KCNMA1: variants seen among roughly 807,000 people sequenced by gnomAD.
KCNMA1 encodes the protein potassium calcium-activated channel subfamily M alpha 1.
KCNMA1 carries 29 observed loss-of-function variants against 140.0 expected under a neutral mutation model. That is an observed-to-expected ratio of 0.21 (90% CI 0.15 to 0.28). The LOEUF is 0.28. Ranked by LOEUF, KCNMA1 falls within the 10% of genes least tolerant of loss-of-function variation. KCNMA1 has a pLI of 1.00. For synonymous variants in KCNMA1, 612 were observed against 611.9 expected, an observed-to-expected ratio of 1.00 and a Z score of 0.00; for missense variants, 880 against 1,602.2, an observed-to-expected ratio of 0.55 and a Z score of 7.70.
chr10:76,959,388 T>A (rs1193532745), intron 20 of KCNMA1, among the ~76,000 whole-genome samples: 2 of 152,216 alleles, frequency 1.3e-5, no homozygotes, highest in Non-Finnish European at 2.9e-5. Context: ...CCAAAATGTC[T>A]GTCTTCAAGG....
intron 2 of KCNMA1, among the ~76,000 whole-genome samples, chr10:77,361,820 G>A (rs910328813): frequency 2.0e-5 from 3 of 152,240 alleles, no homozygotes; most frequent in Non-Finnish European, 4.4e-5. Context: ...GTCAAGAGCT[G>A]CCCAGGCTGA....
At chr10:77,634,070 A>G in intron 1 of KCNMA1, 1 of 811,050 alleles carries the variant, frequency 1.2e-6, no homozygotes, top group Non-Finnish European at 1.5e-6. Context: ...CAATCCCCAC[A>G]TTTTATACAC....
At chr10:76,927,073 A>C (rs573861997) in intron 23 of KCNMA1, among the ~76,000 whole-genome samples, 2 of 152,178 alleles carry the variant, frequency 1.3e-5, no homozygotes, top group East Asian at 3.9e-4. Context: ...AGGCCCTCTC[A>C]GCTTTGAGAT....
intron 2 of KCNMA1, among the ~76,000 whole-genome samples, chr10:77,292,208 C>T (rs1040258305): frequency 7.6e-4 from 116 of 152,314 alleles, no homozygotes; most frequent in Middle Eastern, 3.4e-3. Flanking sequence ...CGCCGGGCCT[C>T]AGGAAGTCTC....
At chr10:77,233,593 T>C (rs1488994279) in intron 3 of KCNMA1, among the ~76,000 whole-genome samples, 1 of 152,178 alleles carries the variant, frequency 6.6e-6, no homozygotes, top group Non-Finnish European at 1.5e-5. Flanking sequence ...GGACTGCGCA[T>C]GCCTCCAGGA....
intron 1 of KCNMA1, among the ~76,000 whole-genome samples, chr10:77,500,793 G>A (rs1049846727): frequency 6.6e-6 from 1 of 152,192 alleles, no homozygotes; most frequent in African/African-American, 2.4e-5. Context: ...AATTATGGGT[G>A]ATTAGAAGGC....
intron 20 of KCNMA1, among the ~76,000 whole-genome samples, chr10:76,956,068 G>T (rs1222465466): frequency 1.3e-5 from 2 of 152,134 alleles, no homozygotes; most frequent in East Asian, 3.9e-4. Context: ...AAATGAAACA[G>T]CAAGCTGACA....
At chr10:77,609,038 T>C (rs953568405) in intron 1 of KCNMA1, among the ~76,000 whole-genome samples, 8 of 151,666 alleles carry the variant, frequency 5.3e-5, no homozygotes, top group Non-Finnish European at 1.2e-4. Context: ...AGTATGGAGG[T>C]TCCTCAGAAA....
rs763146154 is a variant in KCNMA1, at chr10:77,183,535, G to T, written c.697-3C>A. The T allele has an allele frequency of 3.1e-6, 5 of 1,590,592 alleles. No individual in the cohort carries two copies. The South Asian group carries it at 5.5e-5, about 18-fold the overall frequency. ...AATTTATCGTTGGCTGCAATAAACT[G>T]GGGGAAAGAAGAAATAAGAAAGAGA... is the stretch of plus-strand genomic sequence containing the variant. On this transcript the variant is annotated splice_region_variant and splice_polypyrimidine_tract_variant and intron_variant, in intron 4 of 27. Transcript: ENST00000286628.
chr10:76,932,980 C>T (rs926152661), intron 23 of KCNMA1, among the ~76,000 whole-genome samples: 30 of 152,050 alleles, frequency 2.0e-4, no homozygotes, highest in African/African-American at 6.5e-4. Flanking sequence ...GTACATTCAG[C>T]GAGGCCAGTC....
At chr10:77,303,991 T>C (rs1164354732) in intron 2 of KCNMA1, among the ~76,000 whole-genome samples, 2 of 152,200 alleles carry the variant, frequency 1.3e-5, no homozygotes, top group African/African-American at 4.8e-5. Flanking sequence ...AGACTGGCAT[T>C]GTGGACAGAT....
At chr10:77,009,665 C>A (rs1202372341) in intron 18 of KCNMA1, among the ~76,000 whole-genome samples, 1 of 152,164 alleles carries the variant, frequency 6.6e-6, no homozygotes, top group East Asian at 1.9e-4. Flanking sequence ...TCTCTAATCT[C>A]ATCTCATACT....
intron 1 of KCNMA1, among the ~76,000 whole-genome samples, chr10:77,478,970 T>C (rs964685556): frequency 3.9e-5 from 6 of 152,346 alleles, no homozygotes; most frequent in African/African-American, 1.4e-4. Context: ...ATCGCACATA[T>C]TCTAGGATCT....
At chr10:77,630,731 C>A (rs2093081563) in intron 1 of KCNMA1, among the ~76,000 whole-genome samples, 1 of 152,006 alleles carries the variant, frequency 6.6e-6, no homozygotes, top group South Asian at 2.1e-4. Flanking sequence ...TCTCGCCAGA[C>A]CAGCATAATC....
chr10:77,475,078 G>A (rs1381436191), intron 1 of KCNMA1, among the ~76,000 whole-genome samples: 2 of 152,146 alleles, frequency 1.3e-5, no homozygotes, highest in East Asian at 3.9e-4. Context: ...AGGAGCTTTC[G>A]TTCCTGTCCC....
At chr10:77,556,114 A>G (rs2064270943) in intron 1 of KCNMA1, among the ~76,000 whole-genome samples, 1 of 152,216 alleles carries the variant, frequency 6.6e-6, no homozygotes, top group African/African-American at 2.4e-5. Context: ...GCCAGTTACC[A>G]TCAGAGGAAC....
Position 77,001,518 on chromosome 10 carries a change from G to A in KCNMA1, c.2155C>T (p.Arg719Cys), listed in dbSNP as rs367636843. The A allele has an allele frequency of 5.3e-5, 82 of 1,552,058 alleles. No individual in the cohort carries two copies. Among genetic ancestry groups the A allele is most frequent in the African/African-American group, 4.6e-4 (34 of 73,172 alleles). ...ACCFDCGRSE[R>C]DCSCMSGRVR... ...CGGCCTGACATGCATGAGCAGTCACGCTCAGAACGTCCGCAATCAAAACAA... is the reference window on the plus strand; with the variant it reads ...CGGCCTGACATGCATGAGCAGTCACACTCAGAACGTCCGCAATCAAAACAA... Residue 719 changes from arginine to cysteine, a missense_variant, in exon 19 of 28, where the codon CGT becomes TGT. Coordinates refer to ENST00000286628, the MANE Select transcript of KCNMA1 (RefSeq NM_001161352.2).
intron 1 of KCNMA1, among the ~76,000 whole-genome samples, chr10:77,547,853 A>G (rs561576022): frequency 3.3e-5 from 5 of 152,296 alleles, no homozygotes; most frequent in African/African-American, 1.2e-4. Flanking sequence ...CCCGATGCCT[A>G]TTTTTATAAA....
intron 20 of KCNMA1, among the ~76,000 whole-genome samples, chr10:76,967,032 T>A (rs1053459445): frequency 3.3e-5 from 5 of 152,164 alleles, no homozygotes; most frequent in Non-Finnish European, 5.9e-5. Flanking sequence ...AGACCATTAG[T>A]GCAGAGTCCC....
Sources: allele counts gnomAD v4.1 joint callset (sites outside exome capture counted in the v4.1 genomes callset), GRCh38; gene constraint gnomAD v4.1.1; transcripts MANE v1.5; gene names NCBI Gene and HGNC (gene_info 2026-07-23, HGNC 2026-07-21).